Variants in NSMCE2 observed in about 807,000 individuals in gnomAD.
The protein encoded by NSMCE2 is E3 SUMO-protein ligase NSE2.
NSMCE2 carries 24 observed loss-of-function variants against 23.8 expected under a neutral mutation model. The observed-to-expected ratio is 1.01, with a 90% CI of 0.73 to 1.42. NSMCE2 has a LOEUF of 1.42. Ranked by LOEUF, NSMCE2 falls within the 40% of genes most tolerant of loss-of-function variation. The pLI, the probability that NSMCE2 is intolerant of heterozygous loss-of-function variation, is 0.00. For synonymous variants in NSMCE2, 92 were observed against 94.1 expected (o/e 0.98, Z 0.13); for missense variants, 284 against 296.5 (o/e 0.96, Z 0.31).
At chr8:125,240,189 A>G (rs1825714704) in intron 5 of NSMCE2, among the ~76,000 whole-genome samples, 1 of 150,444 alleles carries the variant, frequency 6.6e-6, no homozygotes. Flanking sequence ...GCAGTGGCAG[A>G]TCTTGGCTCA....
intron 3 of NSMCE2, among the ~76,000 whole-genome samples, chr8:125,141,846 T>C (rs1423576277): frequency 6.6e-6 from 1 of 152,190 alleles, no homozygotes; most frequent in East Asian, 1.9e-4. Flanking sequence ...TAGCTGCCCG[T>C]TCTTCTTGCT....
intron 3 of NSMCE2, among the ~76,000 whole-genome samples, chr8:125,122,725 A>G (rs1247099649): frequency 1.3e-5 from 2 of 152,248 alleles, no homozygotes; most frequent in African/African-American, 4.8e-5. Flanking sequence ...ACAGCAGAGC[A>G]CTTCTTTGCA....
intron 5 of NSMCE2, among the ~76,000 whole-genome samples, chr8:125,276,842 C>G (rs897789406): frequency 6.6e-6 from 1 of 152,190 alleles, no homozygotes; most frequent in Admixed American, 6.5e-5. Flanking sequence ...CACTGACCTG[C>G]CAAATGCCAT....
chr8:125,298,706 T>TG (rs1332001571), intron 5 of NSMCE2, among the ~76,000 whole-genome samples: 1 of 151,396 alleles, frequency 6.6e-6, no homozygotes, highest in South Asian at 2.1e-4. Flanking sequence ...TGTTTTTTTT[T>TG]TTTTTTCCCC....
intron 5 of NSMCE2, among the ~76,000 whole-genome samples, chr8:125,184,152 TAAG>T (rs1822963693): frequency 2.6e-5 from 4 of 152,212 alleles, no homozygotes; most frequent in African/African-American, 9.6e-5. Context: ...TCCTGAGTTT[TAAG>T]TAATTTTATA....
chr8:125,198,092 G>A (rs1003233542), intron 5 of NSMCE2, among the ~76,000 whole-genome samples: 1 of 152,194 alleles, frequency 6.6e-6, no homozygotes, highest in South Asian at 2.1e-4. Context: ...TTTGGGCTCA[G>A]ACGATGGGGT....
In NSMCE2 at chr8:125,328,017, T is replaced by C. The variant is rs147445535; in HGVS notation, c.419-29202T>C. 4.0e-3 allele frequency among the ~76,000 whole-genome samples: 612 copies of C among 152,342 alleles called. 13 individuals are homozygous for C. The highest frequency in any genetic ancestry group is 0.034 in the Admixed American group (520 of 15,298). ...TATCATAATTATGGGTGAGGTTTTC[T>C]AGCACAAGGAAAATCATTTTTTAAA... On this transcript the variant is annotated intron_variant, in intron 5 of 7. Coordinates refer to ENST00000287437, the MANE Select transcript of NSMCE2 (RefSeq NM_173685.4).
intron 3 of NSMCE2, among the ~76,000 whole-genome samples, chr8:125,111,413 A>C (rs1241890017): frequency 6.6e-6 from 1 of 152,058 alleles, no homozygotes; most frequent in Non-Finnish European, 1.5e-5. Flanking sequence ...GTGAAAAAAA[A>C]CTCCCAGAAA....
chr8:125,193,302 A>G (rs1417627053), intron 5 of NSMCE2, among the ~76,000 whole-genome samples: 1 of 152,248 alleles, frequency 6.6e-6, no homozygotes, highest in African/African-American at 2.4e-5. Context: ...AAATATTCAC[A>G]AAACATGTAT....
intron 4 of NSMCE2, among the ~76,000 whole-genome samples, chr8:125,159,240 A>G (rs1188136493): frequency 1.3e-5 from 2 of 152,228 alleles, no homozygotes; most frequent in Admixed American, 6.5e-5. Context: ...TAATTTATAA[A>G]TTAAACGTTA....
chr8:125,263,021 G>A (rs1174772028), intron 5 of NSMCE2, among the ~76,000 whole-genome samples: 1 of 152,148 alleles, frequency 6.6e-6, no homozygotes, highest in African/African-American at 2.4e-5. Context: ...TCCACTTCCT[G>A]TGCAGGCGAC....
At chr8:125,316,118 CT>C (rs1249593482) in intron 5 of NSMCE2, among the ~76,000 whole-genome samples, 7 of 152,170 alleles carry the variant, frequency 4.6e-5, no homozygotes, top group Non-Finnish European at 1.0e-4. Flanking sequence ...AAACCTCATT[CT>C]TATCAATGCA....
At chr8:125,355,812 C>G (rs746316996) in intron 5 of NSMCE2, among the ~76,000 whole-genome samples, 8 of 150,986 alleles carry the variant, frequency 5.3e-5, no homozygotes, top group Non-Finnish European at 1.0e-4. Context: ...TCATCCCATT[C>G]AAATGTTGTC....
chr8:125,093,984 T>G (rs1021633168), intron 1 of NSMCE2, among the ~76,000 whole-genome samples: 2 of 151,372 alleles, frequency 1.3e-5, no homozygotes, highest in African/African-American at 2.4e-5. Flanking sequence ...TTTTTTTTTT[T>G]GTAGAGTTGG....
intron 5 of NSMCE2, among the ~76,000 whole-genome samples, chr8:125,272,841 G>GTA (rs1167668583): frequency 1.3e-4 from 7 of 52,244 alleles, no homozygotes; most frequent in Non-Finnish European, 2.4e-4. Flanking sequence ...ATATACACAC[G>GTA]TATATACACA....
intron 5 of NSMCE2, among the ~76,000 whole-genome samples, chr8:125,198,392 C>CA (rs1199460491): frequency 3.3e-5 from 5 of 152,140 alleles, no homozygotes; most frequent in Non-Finnish European, 7.3e-5. Context: ...GAGTTTTTAG[C>CA]ATGAAAGGCT....
intron 5 of NSMCE2, among the ~76,000 whole-genome samples, chr8:125,212,219 C>T (rs1260447636): frequency 6.6e-6 from 1 of 152,124 alleles, no homozygotes; most frequent in African/African-American, 2.4e-5. Context: ...ACCTTGTTAG[C>T]AAGGCGAACA....
chr8:125,254,541 T>G (rs1826328660), intron 5 of NSMCE2, among the ~76,000 whole-genome samples: 2 of 152,204 alleles, frequency 1.3e-5, no homozygotes, highest in Admixed American at 6.5e-5. Flanking sequence ...CCTGAATCAC[T>G]GCCATTTTTT....
At chr8:125,222,329 A>G (rs1026576398) in intron 5 of NSMCE2, among the ~76,000 whole-genome samples, 2 of 152,210 alleles carry the variant, frequency 1.3e-5, no homozygotes, top group Non-Finnish European at 2.9e-5. Flanking sequence ...AAATCAAGTT[A>G]ATTGACATAT....
Sources: gnomAD v4.1 joint callset for allele counts (sites outside exome capture counted in the v4.1 genomes callset) on GRCh38, gnomAD v4.1.1 for gene constraint, MANE v1.5 for transcripts, NCBI Gene and HGNC (gene_info 2026-07-23, HGNC 2026-07-21) for gene names.